The following SERPINB8 variants were observed in gnomAD, a reference collection of about 807,000 sequenced individuals.
SERPINB8 encodes serpin B8.
SERPINB8 carries 25 observed loss-of-function variants against 35.3 expected under a neutral mutation model. That is an observed-to-expected ratio of 0.71 (90% CI 0.52 to 0.99). SERPINB8 has a LOEUF of 0.99. Ranked by LOEUF, SERPINB8 falls within the 50% of genes least tolerant of loss-of-function variation. The probability of loss-of-function intolerance (pLI) is 0.00; values close to 1 mark genes in which losing one functional copy is unlikely to be tolerated. For missense variants in SERPINB8, 484 were observed against 446.5 expected (o/e 1.08, Z -0.76); for synonymous variants, 186 against 160.8 (o/e 1.16, Z -1.19).
chr18:63,997,056 A>T (rs2050853175), intron 1 of SERPINB8, among the ~76,000 whole-genome samples: 1 of 151,850 alleles, frequency 6.6e-6, no homozygotes, highest in Non-Finnish European at 1.5e-5. Context: ...TCTCAACAAC[A>T]TTTCAGTTCC....
chr18:64,011,069 A>G (rs145442382), intron 7 of SERPINB8, among the ~76,000 whole-genome samples: 135 of 152,170 alleles, frequency 8.9e-4, no homozygotes, highest in African/African-American at 3.0e-3. Flanking sequence ...GACAAGAACT[A>G]AAATCAGCTA....
chr18:63,970,130 A>G lies in SERPINB8; in HGVS notation c.-51A>G, dbSNP rs796245876. ...ACAAAGGAGGAATAGTCAAAGCAGC[A>G]GCGGCGGCGGCGGCGGCGGCAGCAG... On this transcript the variant is annotated 5_prime_UTR_variant, in exon 1 of 7. Transcript: ENST00000397985. 61 of 343,898 alleles carry G rather than the reference A, an allele frequency of 1.8e-4. 3 individuals carry two copies. The highest frequency in any genetic ancestry group is 8.7e-4 in the East Asian group (7 of 8,016). The allele number at this position is 343,898 out of a possible 1,614,324, so 21.3% of individuals were successfully genotyped here.
chr18:63,981,950 T>A, intron 4 of SERPINB8, 112 bp downstream of exon 4: 1 of 675,988 alleles, frequency 1.5e-6, no homozygotes. Flanking sequence ...CACAGGCCTG[T>A]TTGTATGTGT....
At chr18:63,995,722 T>C (rs773261174) in intron 1 of SERPINB8, among the ~76,000 whole-genome samples, 4 of 152,222 alleles carry the variant, frequency 2.6e-5, no homozygotes, top group Non-Finnish European at 5.9e-5. Context: ...ATAACTGCTG[T>C]CATTATGTCA....
At chr18:64,004,999 G>A (rs906776773) in exon 2 of SERPINB8, 1 of 395,734 alleles carries the variant, frequency 2.5e-6, no homozygotes, top group African/African-American at 2.1e-5. Context: ...GCCACAGGAG[G>A]ATGTGTGATA....
chr18:63,996,114 A>G (rs1287088097), intron 1 of SERPINB8, among the ~76,000 whole-genome samples: 2 of 152,120 alleles, frequency 1.3e-5, no homozygotes, highest in Non-Finnish European at 2.9e-5. Flanking sequence ...TGAGAAAGGA[A>G]CTCAGATAAC....
At chr18:63,980,073 TATG>T in intron 3 of SERPINB8, 135 bp downstream of exon 3, 1 of 825,678 alleles carries the variant, frequency 1.2e-6, no homozygotes, top group Non-Finnish European at 1.9e-6. Flanking sequence ...TTTTAGATTT[TATG>T]ATGACTTCTG....
At chr18:64,017,408 C>T (rs1411522927) in intron 7 of SERPINB8, among the ~76,000 whole-genome samples, 1 of 152,010 alleles carries the variant, frequency 6.6e-6, no homozygotes, top group Non-Finnish European at 1.5e-5. Context: ...TATTGTATTC[C>T]ATCAAGGAAG....
chr18:64,018,562 A>G (rs1199491930), intron 7 of SERPINB8, among the ~76,000 whole-genome samples: 1 of 152,176 alleles, frequency 6.6e-6, no homozygotes, highest in African/African-American at 2.4e-5. Flanking sequence ...GTGTTTAGTG[A>G]TTTACACATA....
At chr18:63,997,651 G>C (rs1280087441) in intron 1 of SERPINB8, among the ~76,000 whole-genome samples, 1 of 152,192 alleles carries the variant, frequency 6.6e-6, no homozygotes. Context: ...GGCTACCCAG[G>C]CTCCCTCAAC....
rs1770473469 is a variant in SERPINB8 at position 63,988,980 on chromosome 18, A to G, written c.*1702A>G. On this transcript the variant is annotated 3_prime_UTR_variant, in exon 7 of 7. Coordinates refer to ENST00000397985, the MANE Select transcript of SERPINB8 (RefSeq NM_002640.4). The stretch of plus-strand genomic sequence containing the variant: ...TATATTCAAGATAATGAACCTATCT[A>G]TCATACTCCCAAATTCCTTCTTGCA... The G allele has an allele frequency of 6.6e-6, 1 of 152,240 alleles. No homozygotes were observed. The highest frequency in any genetic ancestry group is 2.1e-4 in the South Asian group (1 of 4,834). The allele number at this position is 152,240 out of a possible 1,614,324, so 9.4% of individuals were successfully genotyped here.
At chr18:63,989,571 A>G (rs2050809604), downstream of SERPINB8, among the ~76,000 whole-genome samples, 1 of 152,202 alleles carries the variant, frequency 6.6e-6, no homozygotes, top group Non-Finnish European at 1.5e-5. Context: ...AATACTTGGT[A>G]CTACCAGTGT....
downstream of SERPINB8, among the ~76,000 whole-genome samples, chr18:63,993,389 A>C (rs1476235397): frequency 1.3e-5 from 2 of 152,238 alleles, no homozygotes; most frequent in African/African-American, 4.8e-5. Flanking sequence ...TTGACTTCTA[A>C]TTGAATCTCA....
At chr18:64,005,017 G>A in exon 2 of SERPINB8, 1 of 394,742 alleles carries the variant, frequency 2.5e-6, no homozygotes, top group Non-Finnish European at 4.5e-6. Flanking sequence ...ATAACTAATT[G>A]CAACCTGCGA....
intron 1 of SERPINB8, among the ~76,000 whole-genome samples, chr18:63,999,358 C>T (rs560076742): frequency 7.2e-5 from 11 of 152,290 alleles, no homozygotes; most frequent in East Asian, 3.9e-4. Context: ...CTAACACACC[C>T]GGACCCAATG....
rs35382440 is a variant in SERPINB8, at chr18:63,987,170, G to A, written c.1017G>A (p.Arg339=). Residue 339 remains arginine (R), a synonymous_variant, in exon 7 of 7, where the codon CGG becomes CGA. Transcript: ENST00000397985. ...AAATAVVRNS[R]CSRMEPRFCA... ...CCACTGCTGTGGTCAGGAATTCCCG[G>A]TGCAGCAGAATGGAGCCAAGATTCT... 630 of 1,614,160 alleles carry A rather than the reference G, an allele frequency of 3.9e-4. No homozygotes were observed. The highest frequency in any genetic ancestry group is 6.3e-4 in the Admixed American group (38 of 60,016).
intron 3 of SERPINB8, 80 bp from the exon 4 acceptor site, chr18:63,981,638 ATGC>A: frequency 1.1e-6 from 1 of 899,266 alleles, no homozygotes; most frequent in East Asian, 2.4e-5. Flanking sequence ...TATTGTAGAA[ATGC>A]AGTAAGAGAA....
exon 8 of SERPINB8, chr18:64,018,948 G>A (rs1199356387): frequency 6.6e-6 from 1 of 152,048 alleles, no homozygotes; most frequent in Non-Finnish European, 1.5e-5. Context: ...TCAAACACCA[G>A]CTGGGTGAAG....
At chr18:63,981,408 C>T (rs2050669156) in intron 3 of SERPINB8, among the ~76,000 whole-genome samples, 1 of 152,144 alleles carries the variant, frequency 6.6e-6, no homozygotes, top group Admixed American at 6.5e-5. Flanking sequence ...ATATTAAAGT[C>T]AGTGGAGAGC....
Sources: gnomAD v4.1 joint callset for allele counts (sites outside exome capture counted in the v4.1 genomes callset) on GRCh38, gnomAD v4.1.1 for gene constraint, MANE v1.5 for transcripts, NCBI Gene and HGNC (gene_info 2026-07-23, HGNC 2026-07-21) for gene names.